ATG101: variants seen among roughly 807,000 people sequenced by gnomAD.
The protein encoded by ATG101 is autophagy-related protein 101.
In ATG101, 6 loss-of-function variants were observed where a neutral mutation model predicts 16.7. The observed-to-expected ratio is 0.36, with a 90% CI of 0.20 to 0.71. The LOEUF (loss-of-function observed/expected upper bound fraction) is 0.71. Ranked by LOEUF, ATG101 falls within the 30% of genes least tolerant of loss-of-function variation. The pLI is 0.57. For synonymous variants in ATG101, 108 were observed against 118.1 expected (o/e 0.91, Z 0.56); for missense variants, 200 against 292.5 (o/e 0.68, Z 2.31).
chr12:52,073,712 T>C lies in ATG101; in HGVS notation c.62T>C (p.Met21Thr), dbSNP rs1390747539. The C allele has an allele frequency of 6.2e-6, 10 of 1,614,018 alleles. No homozygotes were observed. The highest frequency in any genetic ancestry group is 8.5e-6 in the Non-Finnish European group (10 of 1,180,008). The change falls in exon 3 of 4, where the codon ATG becomes ACG. Residue 21 changes from methionine (M) to threonine (T), a missense_variant. Physicochemically the swap from Met to Thr is moderately conservative, Grantham distance 81 (BLOSUM62 -1). Transcript: ENST00000336854. ...GAGGGGCGGCAGGTGGAGGAGGCCA[T>C]GCTGGCTGTGCTGCACACGGTGCTT... ...SVEGRQVEEA[M>T]LAVLHTVLLH...
intron 2 of ATG101, among the ~76,000 whole-genome samples, chr12:52,072,587 G>GAAATA (rs1476456330): frequency 2.0e-5 from 3 of 152,140 alleles, no homozygotes. Context: ...CTGTGGATGT[G>GAAATA]GGTGTCTCTA....
chr12:52,070,994 T>C (rs935668286), intron 2 of ATG101: 1 of 152,320 alleles, frequency 6.6e-6, no homozygotes, highest in Non-Finnish European at 1.5e-5. Flanking sequence ...TTGGGCTCAA[T>C]TGAGCAGTTG....
chr12:52,076,659 T>A, intron 3 of ATG101, 127 bp from the exon 4 acceptor site: 6 of 1,169,476 alleles, frequency 5.1e-6, no homozygotes, highest in Non-Finnish European at 7.1e-6. Flanking sequence ...CTCCCAGTCT[T>A]GTTTCCTTGC....
chr12:52,074,078 C>T (rs556550731), intron 3 of ATG101, among the ~76,000 whole-genome samples, 176 bp downstream of exon 3: 100 of 139,760 alleles, frequency 7.2e-4, no homozygotes, highest in African/African-American at 2.4e-3. Flanking sequence ...CAGGGGAGGG[C>T]GCGCGGGCGC....
chr12:52,073,917 G>T lies in ATG101; in HGVS notation c.252+15G>T. 6.8e-7 allele frequency: 1 copy of T among 1,481,262 alleles called. No homozygotes were observed. Among genetic ancestry groups the T allele is most frequent in the East Asian group, 2.2e-5 (1 of 44,816 alleles). 91.8% of individuals were successfully genotyped at this position (1,481,262 alleles called of 1,614,324 possible). A position where few individuals can be genotyped will look rare whatever the true frequency, so the allele number is the denominator to read the frequency against. ...GGGAGTTCAAGGTAAGGGTGTCGGG[G>T]AGTTCAAGGTAAGGGTGTGGCATAG... On this transcript the variant is annotated intron_variant, in intron 3 of 3. Coordinates refer to ENST00000336854, the MANE Select transcript of ATG101 (RefSeq NM_021934.5).
chr12:52,066,371 A>G (rs1367758781), upstream of ATG101, among the ~76,000 whole-genome samples: 2 of 152,190 alleles, frequency 1.3e-5, no homozygotes, highest in Non-Finnish European at 2.9e-5. Context: ...TGAAGGGTCA[A>G]CCTGTTGGTT....
At chr12:52,074,618 C>G (rs767284727) in intron 3 of ATG101, among the ~76,000 whole-genome samples, 2 of 151,864 alleles carry the variant, frequency 1.3e-5, no homozygotes, top group Non-Finnish European at 2.9e-5. Context: ...TTCCAAGCAG[C>G]TGGGACCACA....
At chr12:52,075,344 TG>T (rs1185613546) in intron 3 of ATG101, among the ~76,000 whole-genome samples, 47 of 152,300 alleles carry the variant, frequency 3.1e-4, no homozygotes, top group African/African-American at 1.1e-3. Context: ...GCTTTGGAGC[TG>T]GGGTCTGCCA....
At chr12:52,068,916 A>C (rs944602306), upstream of ATG101, among the ~76,000 whole-genome samples, 1 of 141,512 alleles carries the variant, frequency 7.1e-6, no homozygotes, top group African/African-American at 2.6e-5. Flanking sequence ...ACGTGAACCC[A>C]GGAGGCGGAG....
rs910349765 is a variant in ATG101, at chr12:52,077,306, G to A, written c.*116G>A. On this transcript the variant is annotated 3_prime_UTR_variant, in exon 4 of 4. Transcript: ENST00000336854. ...TCTGGGTCATTGGTGAGACTTGGAA[G>A]GGGCAGCCCCCGCTGGCTTCTTGGT... 2 of 1,219,682 alleles carry A rather than the reference G, an allele frequency of 1.6e-6. No individual in the cohort carries two copies. The highest frequency in any genetic ancestry group is 5.1e-5 in the Admixed American group (2 of 39,346). 75.6% of individuals were successfully genotyped at this position (1,219,682 alleles called of 1,614,324 possible). A position where few individuals can be genotyped will look rare whatever the true frequency, so the allele number is the denominator to read the frequency against.
intron 2 of ATG101, among the ~76,000 whole-genome samples, chr12:52,072,105 T>C (rs2701118): frequency 0.048 from 7,385 of 152,304 alleles, 572 homozygotes; most frequent in African/African-American, 0.17. Context: ...TTAGTGGATA[T>C]TTACCATTTG....
At chr12:52,074,525 TC>T (rs1288839710) in intron 3 of ATG101, among the ~76,000 whole-genome samples, 1 of 150,396 alleles carries the variant, frequency 6.6e-6, no homozygotes, top group Admixed American at 6.6e-5. Flanking sequence ...TTTTCTTTCT[TC>T]CTTTTTTTTT....
intron 3 of ATG101, among the ~76,000 whole-genome samples, chr12:52,075,922 G>T (rs1273931320): frequency 2.6e-5 from 4 of 152,176 alleles, no homozygotes; most frequent in Non-Finnish European, 4.4e-5. Context: ...CACTTTGGGA[G>T]GCTGAAGCAG....
At chr12:52,074,101 T>G (rs1183278563) in intron 3 of ATG101, among the ~76,000 whole-genome samples, 199 bp downstream of exon 3, 1 of 151,722 alleles carries the variant, frequency 6.6e-6, no homozygotes, top group Non-Finnish European at 1.5e-5. Flanking sequence ...GTGTGTGTGG[T>G]GGGGGAGGGA....
In ATG101 at chr12:52,073,730, C is replaced by G; in HGVS notation, c.80C>G (p.Thr27Arg). The G allele has an allele frequency of 6.2e-7, 1 of 1,614,162 alleles. No individual in the cohort carries two copies. Among genetic ancestry groups the G allele is most frequent in the Non-Finnish European group, 8.5e-7 (1 of 1,180,016 alleles). ...VEEAMLAVLHTVLLHRSTGKF... is the reference protein window; with the variant it reads ...VEEAMLAVLHRVLLHRSTGKF... The stretch of plus-strand genomic sequence containing the variant: ...GAGGCCATGCTGGCTGTGCTGCACA[C>G]GGTGCTTCTGCACCGCAGCACAGGC... The change falls in exon 3 of 4, where the codon ACG becomes AGG. Residue 27 changes from threonine to arginine, a missense_variant. By Grantham distance (71) the Thr-to-Arg change is moderately conservative. Transcript: ENST00000336854.
upstream of ATG101, among the ~76,000 whole-genome samples, chr12:52,068,808 A>C (rs550384549): frequency 2.6e-5 from 4 of 151,920 alleles, no homozygotes; most frequent in East Asian, 7.8e-4. Flanking sequence ...AACACGGTGA[A>C]AACCCGTCTC....
At chr12:52,068,933 G>A (rs886504884), upstream of ATG101, among the ~76,000 whole-genome samples, 71 of 140,714 alleles carry the variant, frequency 5.0e-4, 1 homozygote, top group African/African-American at 1.8e-3. Flanking sequence ...GGAGCTTGCA[G>A]TGAGCCGAGA....
At position 52,074,959 on chromosome 12, in the gene ATG101, C is replaced by CA. The variant is rs55734214; in HGVS notation, c.252+1066dup. Among the ~76,000 whole-genome samples, 5 of 150,644 alleles carry CA rather than the reference C, an allele frequency of 3.3e-5. 1 individual carries two copies. The Middle Eastern group carries it at 0.01, about 307-fold the overall frequency. On this transcript the variant is annotated intron_variant, in intron 3 of 3. Transcript: ENST00000336854. ...GGGTGACAGAGCAAAACCCTGTCTC[C>CA]AAAAAAAAATAATTTTTTTTGTAGA...
At chr12:52,072,595 C>G (rs1039853588) in intron 2 of ATG101, among the ~76,000 whole-genome samples, 3 of 152,094 alleles carry the variant, frequency 2.0e-5, no homozygotes. Flanking sequence ...GTGGGTGTCT[C>G]TAGAAATAGG....
Sources: gnomAD v4.1 joint callset for allele counts (sites outside exome capture counted in the v4.1 genomes callset) on GRCh38, gnomAD v4.1.1 for gene constraint, MANE v1.5 for transcripts, NCBI Gene and HGNC (gene_info 2026-07-23, HGNC 2026-07-21) for gene names.